The following ARNT2 variants were observed in gnomAD, a reference collection of about 807,000 sequenced individuals.
The protein encoded by ARNT2 is ARNT protein 2.
In ARNT2, 36 loss-of-function variants were observed where a neutral mutation model predicts 91.7. That is an observed-to-expected ratio of 0.39 (90% CI 0.30 to 0.52). The LOEUF is 0.52. Ranked by LOEUF, ARNT2 falls within the 20% of genes least tolerant of loss-of-function variation. The pLI, the probability that ARNT2 is intolerant of heterozygous loss-of-function variation, is 0.72. For missense variants in ARNT2, 775 were observed against 939.3 expected (o/e 0.83, Z 2.29); for synonymous variants, 365 against 347.1 (o/e 1.05, Z -0.57).
rs552445286 is a variant in ARNT2, at chr15:80,430,702, A to G, written c.32-20178A>G. Among the ~76,000 whole-genome samples, 14 of 152,250 alleles carry G rather than the reference A, an allele frequency of 9.2e-5. No individual in the cohort carries two copies. In the South Asian group the frequency reaches 2.9e-3, roughly 32 times the overall value. On this transcript the variant is annotated intron_variant, in intron 1 of 18. Transcript: ENST00000303329. Reference sequence around the variant, plus strand: ...TGACCTCAGGGTTTTTCTTTGCTCTAGTGGTCTTTTTTGCCTTAGTGACAG... The same window carrying G: ...TGACCTCAGGGTTTTTCTTTGCTCTGGTGGTCTTTTTTGCCTTAGTGACAG...
intron 3 of ARNT2, among the ~76,000 whole-genome samples, chr15:80,460,971 C>T (rs1218511300): frequency 1.3e-5 from 2 of 152,172 alleles, no homozygotes; most frequent in South Asian, 2.1e-4. Flanking sequence ...AGGCCAAGTG[C>T]GAGGCTGTGG....
chr15:80,536,087 A>G (rs549339383), intron 8 of ARNT2, among the ~76,000 whole-genome samples: 1 of 152,318 alleles, frequency 6.6e-6, no homozygotes, highest in African/African-American at 2.4e-5. Context: ...TTGAAGCAGC[A>G]TGGTTGTCTG....
intron 1 of ARNT2, chr15:80,444,638 ATG>A (rs993172052): frequency 2.3e-5 from 3 of 128,734 alleles, no homozygotes; most frequent in African/African-American, 9.2e-5. Context: ...ATGATGTGTG[ATG>A]TGTGTGCGTG....
chr15:80,486,320 A>C (rs1450505439), intron 5 of ARNT2, among the ~76,000 whole-genome samples: 1 of 152,192 alleles, frequency 6.6e-6, no homozygotes, highest in African/African-American at 2.4e-5. Flanking sequence ...AATTTTGGGC[A>C]GGGGGTGGTT....
At position 80,574,201 on chromosome 15, in the gene ARNT2, C is replaced by G. The variant is rs138991938; in HGVS notation, c.1370C>G (p.Ser457Ter). Residue 457 changes from serine to a stop codon, truncating the protein, a stop_gained, in exon 13 of 19, where the codon TCA becomes TGA. Transcript: ENST00000303329. LOFTEE classifies it high-confidence loss of function. ...GAAGTGCACCAGAGAGATGGATTGT[C>G]ATCGTATGACTTATCCCAGGTGAGT... ...ELEVHQRDGLSSYDLSQVPVP... is the reference protein window; with the variant it reads ...ELEVHQRDGL 6.2e-7 allele frequency: 1 copy of G among 1,614,022 alleles called. No homozygotes were observed. The highest frequency in any genetic ancestry group is 8.5e-7 in the Non-Finnish European group (1 of 1,180,000).
intron 12 of ARNT2, among the ~76,000 whole-genome samples, chr15:80,571,153 G>A (rs1037796165): frequency 1.3e-5 from 2 of 152,188 alleles, no homozygotes; most frequent in Non-Finnish European, 2.9e-5. Flanking sequence ...AGCTCCTTAG[G>A]GGTCAGGCTT....
chr15:80,597,257 ATGTGAACGCTCACCT>A lies in ARNT2; in HGVS notation c.*3562_*3576del. 1.9e-6 allele frequency: 1 copy of A among 518,556 alleles called. No individual in the cohort carries two copies. The highest frequency in any genetic ancestry group is 3.8e-6 in the Non-Finnish European group (1 of 259,810). The allele number at this position is 518,556 out of a possible 1,614,324, so 32.1% of individuals were successfully genotyped here. A position where few individuals can be genotyped will look rare whatever the true frequency, so the allele number is the denominator to read the frequency against. ...TAGGCAGCCCATAAGCTATGCGAGA[ATGTGAACGCTCACCT>A]TGCTCCGTCACGGTTCTGACCTACC... On this transcript the variant is annotated 3_prime_UTR_variant, in exon 19 of 19. Coordinates refer to ENST00000303329, the MANE Select transcript of ARNT2 (RefSeq NM_014862.4).
At chr15:80,483,720 G>C (rs1355487293) in intron 5 of ARNT2, among the ~76,000 whole-genome samples, 1 of 152,210 alleles carries the variant, frequency 6.6e-6, no homozygotes, top group Non-Finnish European at 1.5e-5. Flanking sequence ...ACCCAGACTA[G>C]AGCAGGAAGA....
intron 1 of ARNT2, among the ~76,000 whole-genome samples, chr15:80,439,861 A>C (rs1411030377): frequency 1.3e-5 from 2 of 152,180 alleles, no homozygotes; most frequent in African/African-American, 4.8e-5. Flanking sequence ...CCAGGCCAAC[A>C]AGTTGTGTCT....
At chr15:80,461,169 AT>A (rs1435547953) in intron 3 of ARNT2, among the ~76,000 whole-genome samples, 1 of 152,236 alleles carries the variant, frequency 6.6e-6, no homozygotes, top group Non-Finnish European at 1.5e-5. Context: ...TTTAGACCCC[AT>A]TTGAGATTGT....
At chr15:80,566,850 A>G (rs1376937977) in intron 12 of ARNT2, among the ~76,000 whole-genome samples, 2 of 152,216 alleles carry the variant, frequency 1.3e-5, no homozygotes, top group Non-Finnish European at 2.9e-5. Flanking sequence ...TAAGTAGAGC[A>G]GGAACAAATG....
intron 18 of ARNT2, among the ~76,000 whole-genome samples, chr15:80,592,952 G>A (rs1444009199): frequency 1.3e-5 from 2 of 152,258 alleles, no homozygotes; most frequent in African/African-American, 4.8e-5. Context: ...GGTAGGCAAA[G>A]TGTGCCTTGT....
At position 80,457,942 on chromosome 15, in the gene ARNT2, G is replaced by A. The variant is rs1349331569; in HGVS notation, c.160G>A (p.Asp54Asn). ...GKRRSGMDFDDEDGEGPSKFS... is the reference protein window; with the variant it reads ...GKRRSGMDFDNEDGEGPSKFS... ...TTGACTTTTCAGAATGGACTTCGATGATGAAGATGGTGAAGGCCCCAGTAA... is the reference window on the plus strand; with the variant it reads ...TTGACTTTTCAGAATGGACTTCGATAATGAAGATGGTGAAGGCCCCAGTAA... Residue 54 changes from aspartate to asparagine, a missense_variant, in exon 3 of 19, where the codon GAT becomes AAT. By Grantham distance (23) the Asp-to-Asn change is conservative (BLOSUM62 1). This residue lies in a region of ARNT2 where 79 missense variants were observed against 83.8 expected (regional missense o/e 0.94). Coordinates refer to ENST00000303329, the MANE Select transcript of ARNT2 (RefSeq NM_014862.4). The A allele has an allele frequency of 6.2e-7, 1 of 1,613,980 alleles. No homozygotes were observed.
chr15:80,456,489 T>C (rs534447372), intron 2 of ARNT2, among the ~76,000 whole-genome samples: 1 of 152,324 alleles, frequency 6.6e-6, no homozygotes, highest in African/African-American at 2.4e-5. Flanking sequence ...ATTAGGACTT[T>C]GGCTACGCAG....
chr15:80,524,293 G>T (rs565288877), intron 8 of ARNT2, among the ~76,000 whole-genome samples: 2 of 152,246 alleles, frequency 1.3e-5, no homozygotes, highest in African/African-American at 4.8e-5. Flanking sequence ...TTTATGTACT[G>T]CTGGTGAAAA....
At chr15:80,508,404 A>G (rs2141424318) in intron 6 of ARNT2, 146 bp downstream of exon 6, 1 of 672,078 alleles carries the variant, frequency 1.5e-6, no homozygotes. Flanking sequence ...CTCAGCATGC[A>G]GATATACAGG....
intron 8 of ARNT2, among the ~76,000 whole-genome samples, chr15:80,529,213 GC>G (rs1897696467): frequency 6.6e-6 from 1 of 152,166 alleles, no homozygotes; most frequent in African/African-American, 2.4e-5. Flanking sequence ...TCTTGCCATT[GC>G]TAGCCTGCCC....
intron 8 of ARNT2, among the ~76,000 whole-genome samples, chr15:80,529,191 C>T (rs1458493078): frequency 6.6e-6 from 1 of 152,196 alleles, no homozygotes; most frequent in African/African-American, 2.4e-5. Context: ...TCTTCTTGGT[C>T]CCTCCACCTG....
chr15:80,510,790 C>T (rs1411454888), intron 6 of ARNT2, among the ~76,000 whole-genome samples: 15 of 151,970 alleles, frequency 9.9e-5, no homozygotes, highest in South Asian at 2.1e-4. Flanking sequence ...GATCATGCCA[C>T]GCACTCCAGC....
Sources: gnomAD v4.1 joint callset for allele counts (sites outside exome capture counted in the v4.1 genomes callset) on GRCh38, gnomAD v4.1.1 for gene constraint, gnomAD v4.1.1 regional missense constraint, MANE v1.5 for transcripts, NCBI Gene and HGNC (gene_info 2026-07-23, HGNC 2026-07-21) for gene names.